The following SGCD variants were observed in gnomAD, a reference collection of about 807,000 sequenced individuals.
SGCD encodes delta-sarcoglycan.
Under a neutral mutation model 36.6 loss-of-function variants are expected in SGCD, and 18 were observed. That is an observed-to-expected ratio of 0.49 (90% CI 0.34 to 0.73). The LOEUF (loss-of-function observed/expected upper bound fraction) is 0.73, where lower values mean the gene tolerates loss of function less well. Ranked by LOEUF, SGCD falls within the 30% of genes least tolerant of loss-of-function variation. The pLI is 0.01. For synonymous variants in SGCD, 133 were observed against 130.6 expected (o/e 1.02, Z -0.12); for missense variants, 387 against 346.7 (o/e 1.12, Z -0.92).
the SGCD span, among the ~76,000 whole-genome samples, chr5:155,848,243 T>C: frequency 6.6e-6 from 1 of 152,124 alleles, no homozygotes; most frequent in South Asian, 2.1e-4. Flanking sequence ...TTGCAGAGAC[T>C]GGATGAGGGA....
intron 1 of SGCD, among the ~76,000 whole-genome samples, chr5:156,091,493 G>C (rs761192831): frequency 6.6e-6 from 1 of 152,136 alleles, no homozygotes; most frequent in Admixed American, 6.5e-5. Context: ...AGTAGTCACC[G>C]CAGCATACCC....
At chr5:155,842,736 A>C in the SGCD span, among the ~76,000 whole-genome samples, 2 of 152,220 alleles carry the variant, frequency 1.3e-5, no homozygotes, top group East Asian at 3.8e-4. Context: ...CATCACAAAA[A>C]GTTCTCCATG....
At chr5:156,569,577 G>A (rs1335929818) in intron 4 of SGCD, among the ~76,000 whole-genome samples, 2 of 150,136 alleles carry the variant, frequency 1.3e-5, no homozygotes, top group South Asian at 2.1e-4. Flanking sequence ...GGGCGACAGA[G>A]TGCATATTGA....
At chr5:155,773,488 C>G in the SGCD span, among the ~76,000 whole-genome samples, 1 of 152,112 alleles carries the variant, frequency 6.6e-6, no homozygotes, top group African/African-American at 2.4e-5. Flanking sequence ...CCTGCCCTGA[C>G]TTCTTTAATA....
chr5:156,430,941 C>T (rs1040601289), intron 3 of SGCD, among the ~76,000 whole-genome samples: 5 of 152,096 alleles, frequency 3.3e-5, no homozygotes, highest in Non-Finnish European at 7.3e-5. Flanking sequence ...ATTGACCAAA[C>T]GATGATTCAG....
intron 3 of SGCD, among the ~76,000 whole-genome samples, chr5:156,444,258 C>T (rs980191969): frequency 2.0e-5 from 3 of 151,334 alleles, no homozygotes; most frequent in African/African-American, 7.3e-5. Context: ...GCTTTTTCCT[C>T]TAGCTGTCAA....
intron 7 of SGCD, among the ~76,000 whole-genome samples, chr5:156,736,272 C>G (rs1756360324): frequency 6.6e-6 from 1 of 152,204 alleles, no homozygotes; most frequent in African/African-American, 2.4e-5. Context: ...TGTTTACTTA[C>G]TCTGCTTTAT....
the SGCD span, among the ~76,000 whole-genome samples, chr5:155,833,002 G>T: frequency 7.0e-6 from 1 of 141,850 alleles, no homozygotes; most frequent in Non-Finnish European, 1.5e-5. Flanking sequence ...GAGGTCAGAA[G>T]TTCAAGACCA....
chr5:156,421,818 C>T (rs1430903415), intron 3 of SGCD, among the ~76,000 whole-genome samples: 1 of 152,042 alleles, frequency 6.6e-6, no homozygotes, highest in Non-Finnish European at 1.5e-5. Flanking sequence ...TCTGATTATG[C>T]TCTGGTTTAG....
intron 3 of SGCD, among the ~76,000 whole-genome samples, chr5:156,213,104 G>A (rs1323550103): frequency 1.3e-5 from 2 of 151,654 alleles, no homozygotes; most frequent in African/African-American, 4.8e-5. Context: ...AGAAAAATAA[G>A]AATTAACTAA....
intron 3 of SGCD, among the ~76,000 whole-genome samples, chr5:156,357,071 T>C (rs967609668): frequency 5.3e-5 from 8 of 152,322 alleles, no homozygotes; most frequent in African/African-American, 1.9e-4. Context: ...CACAGGAAAC[T>C]GATACACAGA....
rs184488469 is a variant in SGCD, at chr5:156,539,423, C to T, written c.294+30721C>T. ...ATCCCTCACCCCCTTCCATCCTTTC[C>T]CCCAAGTCCCAAAAGGCCATTATAT... On this transcript the variant is annotated intron_variant, in intron 4 of 8. Transcript: ENST00000337851. 2.2e-4 allele frequency among the ~76,000 whole-genome samples: 34 copies of T among 151,598 alleles called. 1 individual carries two copies. Among genetic ancestry groups the T allele is most frequent in the Admixed American group, 2.2e-3 (33 of 15,158 alleles).
rs1280861407 is a variant in SGCD, at chr5:156,058,510, A to G, written c.-281-59368A>G. 6.8e-5 allele frequency among the ~76,000 whole-genome samples: 10 copies of G among 145,996 alleles called. 1 individual carries two copies. The highest frequency in any genetic ancestry group is 1.4e-4 in the Non-Finnish European group (9 of 64,828). On this transcript the variant is annotated intron_variant, in intron 1 of 9. Transcript: ENST00000517913. ...GACTCAGCATTTCTAACGGGCTTCC[A>G]GGAATGCTGCTGGCCCATCAGCTAC...
intron 1 of SGCD, among the ~76,000 whole-genome samples, chr5:156,329,230 T>C (rs1767955620): frequency 6.6e-6 from 1 of 152,034 alleles, no homozygotes; most frequent in Non-Finnish European, 1.5e-5. Context: ...CAACACAAAC[T>C]GGGCAGTGAG....
Position 156,540,268 on chromosome 5 carries a change from C to T in SGCD, c.294+31566C>T, listed in dbSNP as rs141891840. ...CTTTCTATGGTTCCTAGCTCCCCTA[C>T]GTACCAAAGTGGTATGAAGCTATTA... is the stretch of plus-strand genomic sequence containing the variant. On this transcript the variant is annotated intron_variant, in intron 4 of 8. Transcript: ENST00000337851. Among the ~76,000 whole-genome samples, 347 of 152,208 alleles carry T rather than the reference C, an allele frequency of 2.3e-3. 1 individual carries two copies. Among genetic ancestry groups the T allele is most frequent in the African/African-American group, 8.2e-3 (340 of 41,542 alleles).
At chr5:156,058,342 G>C (rs1166890711) in intron 1 of SGCD, among the ~76,000 whole-genome samples, 2 of 146,570 alleles carry the variant, frequency 1.4e-5, no homozygotes, top group Non-Finnish European at 3.1e-5. Flanking sequence ...GCTGAAGTGA[G>C]AGGGAGTGGG....
the SGCD span, among the ~76,000 whole-genome samples, chr5:155,809,484 A>C: frequency 1.3e-5 from 2 of 152,280 alleles, no homozygotes; most frequent in Non-Finnish European, 2.9e-5. Context: ...GTCTTATATC[A>C]CTGATACTTG....
At position 156,057,969 on chromosome 5, in the gene SGCD, T is replaced by C. The variant is rs373068889; in HGVS notation, c.-281-59909T>C. Among the ~76,000 whole-genome samples, 18 of 146,310 alleles carry C rather than the reference T, an allele frequency of 1.2e-4. No homozygotes were observed. In the East Asian group the frequency reaches 2.3e-3, roughly 19 times the overall value. On this transcript the variant is annotated intron_variant, in intron 1 of 9. Transcript: ENST00000517913. ...ACTCAAAGGAATCAAGTTACTCATA[T>C]GGAAAAGATGCACTTTTTAGACATC...
At chr5:156,552,049 C>T (rs1758820911) in intron 4 of SGCD, among the ~76,000 whole-genome samples, 1 of 152,198 alleles carries the variant, frequency 6.6e-6, no homozygotes, top group Non-Finnish European at 1.5e-5. Context: ...CTGTTATGTA[C>T]TGCCCAGGCC....
Sources: gnomAD v4.1 joint callset for allele counts (sites outside exome capture counted in the v4.1 genomes callset) on GRCh38, gnomAD v4.1.1 for gene constraint, MANE v1.5 for transcripts, NCBI Gene and HGNC (gene_info 2026-07-23, HGNC 2026-07-21) for gene names.